Variants in MS4A2 observed in about 807,000 individuals in gnomAD.
MS4A2 encodes the protein membrane spanning 4-domains A2.
In MS4A2, 26 loss-of-function variants were observed where a neutral mutation model predicts 27.9. The ratio of observed to expected loss-of-function variants is 0.93; its 90% CI spans 0.68 to 1.29. The LOEUF is 1.29. MS4A2 is among the 50% of genes most tolerant of loss of function. MS4A2 has a pLI of 0.00. For synonymous variants in MS4A2, 110 were observed against 98.8 expected, an observed-to-expected ratio of 1.11 and a Z score of -0.67; for missense variants, 284 against 284.6, an observed-to-expected ratio of 1.00 and a Z score of 0.01.
rs1279316003 is a variant in MS4A2 at position 60,093,470 on chromosome 11, TCAA to T, written c.451_453del (p.Asn151del). ...GGAACGGGAATTACCATCCTGATCA[TCAA>T]CCTGAAGAAGAGCTTGGCCTATATC... On this transcript the variant is annotated inframe_deletion, in exon 5 of 7. Coordinates refer to ENST00000278888, the MANE Select transcript of MS4A2 (RefSeq NM_000139.5). 2 of 1,614,096 alleles carry T rather than the reference TCAA, an allele frequency of 1.2e-6. No individual in the cohort carries two copies. The highest frequency in any genetic ancestry group is 1.7e-6 in the Non-Finnish European group (2 of 1,180,046).
In MS4A2 at chr11:60,088,753, G is replaced by A. The variant is rs574715957; in HGVS notation, c.-13G>A. ...AATATTCTTTATTCCTGGACAGCTC[G>A]GTTAATGAAAAAATGGACACAGAAA... On this transcript the variant is annotated 5_prime_UTR_variant, in exon 1 of 7. Transcript: ENST00000278888. 22 of 1,609,766 alleles carry A rather than the reference G, an allele frequency of 1.4e-5. No homozygotes were observed. The highest frequency in any genetic ancestry group is 1.7e-4 in the Middle Eastern group (1 of 6,060).
chr11:60,090,506 CTG>C, intron 3 of MS4A2, 36 bp downstream of exon 3: 1 of 1,601,024 alleles, frequency 6.2e-7, no homozygotes, highest in Non-Finnish European at 8.5e-7. Context: ...TGAAATAACA[CTG>C]AACATAGGTT....
At position 60,095,611 on chromosome 11, in the gene MS4A2, T is replaced by C. The variant is rs1306627754; in HGVS notation, c.690T>C (p.Ser230=). The part of the protein sequence containing the change: ...EELNIYSATY[S]ELEDPGEMSP... Reference sequence around the variant, plus strand: ...TAAACATATATTCAGCTACTTACAGTGAGTTGGAAGACCCAGGGGAAATGT... The same window carrying C: ...TAAACATATATTCAGCTACTTACAGCGAGTTGGAAGACCCAGGGGAAATGT... Residue 230 remains serine, a synonymous_variant, in exon 7 of 7, where the codon AGT becomes AGC. Coordinates refer to ENST00000278888, the MANE Select transcript of MS4A2 (RefSeq NM_000139.5). 1.2e-6 allele frequency: 2 copies of C among 1,613,014 alleles called. No homozygotes were observed. Among genetic ancestry groups the C allele is most frequent in the Admixed American group, 1.7e-5 (1 of 60,022 alleles).
At chr11:60,090,264 CTAT>C (rs1360082730) in intron 2 of MS4A2, 69 bp from the exon 3 acceptor site, 2 of 1,484,458 alleles carry the variant, frequency 1.3e-6, no homozygotes, top group African/African-American at 2.8e-5. Context: ...TGTTTGGCTT[CTAT>C]TATTAAAAAA....
chr11:60,093,686 A>G (rs1415337357), intron 5 of MS4A2, 128 bp downstream of exon 5: 1 of 1,324,464 alleles, frequency 7.6e-7, no homozygotes, highest in African/African-American at 1.5e-5. Flanking sequence ...GTGGTTCTGT[A>G]AGTTCACACA....
At chr11:60,091,637 G>A (rs1433979470) in intron 3 of MS4A2, among the ~76,000 whole-genome samples, 1 of 152,088 alleles carries the variant, frequency 6.6e-6, no homozygotes, top group East Asian at 1.9e-4. Flanking sequence ...TTTACTGTTT[G>A]TCTTCCTTCG....
In MS4A2 at chr11:60,096,264, T is replaced by C. The variant is rs1268378034; in HGVS notation, c.*608T>C. The C allele has an allele frequency of 6.6e-6, 1 of 152,584 alleles. No individual in the cohort carries two copies. The highest frequency in any genetic ancestry group is 1.5e-5 in the Non-Finnish European group (1 of 68,334). The allele number at this position is 152,584 out of a possible 1,614,324, so 9.5% of individuals were successfully genotyped here. On this transcript the variant is annotated 3_prime_UTR_variant, in exon 7 of 7. Transcript: ENST00000278888. The stretch of plus-strand genomic sequence containing the variant: ...CACTGACATGATATTATTTGCAGAT[T>C]GACAAGTAGGAAGTGGGGAATTTTA...
Position 60,088,760 on chromosome 11 carries a change from GA to G in MS4A2, c.1del. 6.2e-7 allele frequency: 1 copy of G among 1,611,034 alleles called. No individual in the cohort carries two copies. The highest frequency in any genetic ancestry group is 1.7e-4 in the Middle Eastern group (1 of 6,058). On this transcript the variant is annotated 5_prime_UTR_variant, in exon 1 of 7. Coordinates refer to ENST00000278888, the MANE Select transcript of MS4A2 (RefSeq NM_000139.5). The stretch of plus-strand genomic sequence containing the variant: ...TTTATTCCTGGACAGCTCGGTTAAT[GA>G]AAAAATGGACACAGAAAGTAATAGG...
At position 60,093,389 on chromosome 11, in the gene MS4A2, A is replaced by C; in HGVS notation, c.379-11A>C. 1 of 1,614,158 alleles carries C rather than the reference A, an allele frequency of 6.2e-7. No individual in the cohort carries two copies. On this transcript the variant is annotated splice_polypyrimidine_tract_variant and intron_variant, in intron 4 of 6. Transcript: ENST00000278888. ...GCAGGCCCAGGTCTGAGTGTTCTTC[A>C]TTATTATCAGGTGAGAGGAAGCCTG...
At position 60,093,555 on chromosome 11, in the gene MS4A2, C is replaced by T; in HGVS notation, c.534C>T (p.Ser178=). 1 of 1,614,144 alleles carries T rather than the reference C, an allele frequency of 6.2e-7. No homozygotes were observed. The highest frequency in any genetic ancestry group is 8.5e-7 in the Non-Finnish European group (1 of 1,180,000). Residue 178 remains serine, a synonymous_variant, in exon 5 of 7, where the codon TCC becomes TCT. Transcript: ENST00000278888. The part of the protein sequence containing the change: ...FETKCFMASF[S]TEIVVMMLFL... ...CCAAGTGCTTTATGGCTTCCTTTTC[C>T]ACTGTATGTATTTTTTTTTGTGTGG...
intron 1 of MS4A2, 106 bp downstream of exon 1, chr11:60,088,927 C>A: frequency 8.7e-7 from 1 of 1,144,002 alleles, no homozygotes. Flanking sequence ...GGCATGGATC[C>A]ATCTAGTTTA....
chr11:60,090,124 G>A (rs1336740375), intron 2 of MS4A2, among the ~76,000 whole-genome samples: 2 of 152,148 alleles, frequency 1.3e-5, no homozygotes, highest in Non-Finnish European at 2.9e-5. Flanking sequence ...AAAGGCGCAT[G>A]GAGAAAAGTA....
intron 3 of MS4A2, 68 bp from the exon 4 acceptor site, chr11:60,092,724 T>C (rs1855787671): frequency 7.1e-7 from 1 of 1,407,222 alleles, no homozygotes; most frequent in Admixed American, 1.8e-5. Context: ...GTTTGGAAGA[T>C]GGGGTTAAAA....
Position 60,093,468 on chromosome 11 carries a change from C to A in MS4A2, c.447C>A (p.Ile149=), listed in dbSNP as rs1855806226. The A allele has an allele frequency of 3.7e-6, 6 of 1,614,092 alleles. No homozygotes were observed. Among genetic ancestry groups the A allele is most frequent in the Non-Finnish European group, 4.2e-6 (5 of 1,180,044 alleles). ...IAGGTGITIL[I]INLKKSLAYI... ...GGGGAACGGGAATTACCATCCTGAT[C>A]ATCAACCTGAAGAAGAGCTTGGCCT... Residue 149 remains isoleucine (I), a synonymous_variant, in exon 5 of 7, where the codon ATC becomes ATA. Transcript: ENST00000278888.
rs1855808146 is a variant in MS4A2, at chr11:60,093,520, T to C, written c.499T>C (p.Phe167Leu). The C allele has an allele frequency of 1.2e-6, 2 of 1,614,180 alleles. No homozygotes were observed. Among genetic ancestry groups the C allele is most frequent in the Non-Finnish European group, 1.7e-6 (2 of 1,180,018 alleles). ...TATCCACATCCACAGTTGCCAGAAA[T>C]TTTTTGAGACCAAGTGCTTTATGGC... is the stretch of plus-strand genomic sequence containing the variant. ...AYIHIHSCQK[F>L]FETKCFMASF... is the part of the protein sequence containing the mutation. Residue 167 changes from phenylalanine (F) to leucine (L), a missense_variant, in exon 5 of 7, where the codon TTT becomes CTT. Physicochemically the swap from Phe to Leu is conservative, Grantham distance 22. Coordinates refer to ENST00000278888, the MANE Select transcript of MS4A2 (RefSeq NM_000139.5).
chr11:60,092,296 C>CTTT (rs3038646), intron 3 of MS4A2, among the ~76,000 whole-genome samples: 80 of 139,940 alleles, frequency 5.7e-4, no homozygotes, highest in African/African-American at 1.8e-3. Context: ...TTCATATACA[C>CTTT]TTTTTTTTTT....
chr11:60,095,459 C>T (rs1406079539), intron 6 of MS4A2, 99 bp from the exon 7 acceptor site: 12 of 781,524 alleles, frequency 1.5e-5, no homozygotes, highest in Admixed American at 7.6e-5. Flanking sequence ...GAGCGTGAGA[C>T]CCAGAAAGAC....
intron 2 of MS4A2, 62 bp from the exon 3 acceptor site, chr11:60,090,274 A>C: frequency 6.4e-7 from 1 of 1,551,932 alleles, no homozygotes; most frequent in Non-Finnish European, 8.8e-7. Context: ...CTATTATTAA[A>C]AAATGATACA....
rs573406272 is a variant in MS4A2, at chr11:60,097,255, A to G, written c.*1599A>G. The stretch of plus-strand genomic sequence containing the variant: ...TCATAAACATGCATTGTGAAACTGT[A>G]GAGAGCAGGTAGCCCAAAATAGAGA... On this transcript the variant is annotated 3_prime_UTR_variant, in exon 7 of 7. Coordinates refer to ENST00000278888, the MANE Select transcript of MS4A2 (RefSeq NM_000139.5). 2 of 152,366 alleles carry G rather than the reference A, an allele frequency of 1.3e-5. No homozygotes were observed. Among genetic ancestry groups the G allele is most frequent in the East Asian group, 3.9e-4 (2 of 5,188 alleles). 9.4% of individuals were successfully genotyped at this position (152,366 alleles called of 1,614,324 possible).
Sources: allele counts gnomAD v4.1 joint callset (sites outside exome capture counted in the v4.1 genomes callset), GRCh38; gene constraint gnomAD v4.1.1; transcripts MANE v1.5; gene names NCBI Gene and HGNC (gene_info 2026-07-23, HGNC 2026-07-21).